The following RNF14 variants were observed in gnomAD, a reference collection of about 807,000 sequenced individuals.
RNF14 encodes the protein ring finger protein 14.
In RNF14, 26 loss-of-function variants were observed where a neutral mutation model predicts 52.6. The ratio of observed to expected loss-of-function variants is 0.49; its 90% CI spans 0.36 to 0.69. The LOEUF (loss-of-function observed/expected upper bound fraction) is 0.69. RNF14 is among the 30% of genes least tolerant of loss of function. RNF14 has a pLI of 0.00. For synonymous variants in RNF14, 194 were observed against 202.0 expected (o/e 0.96, Z 0.34); for missense variants, 404 against 560.4 (o/e 0.72, Z 2.82).
Position 141,980,369 on chromosome 5 carries a change from A to G in RNF14, c.1063+18A>G. The G allele has an allele frequency of 6.3e-7, 1 of 1,583,494 alleles. No individual in the cohort carries two copies. ...GACTGCAGGTATGTTTTAACTGTGA[A>G]CCCAAACCCCCATCCCCAGTCTCTC... On this transcript the variant is annotated intron_variant, in intron 6 of 8. Transcript: ENST00000394520.
chr5:141,987,976 G>T lies in RNF14; in HGVS notation c.*186G>T. On this transcript the variant is annotated 3_prime_UTR_variant, in exon 9 of 9. Coordinates refer to ENST00000394520, the MANE Select transcript of RNF14 (RefSeq NM_004290.5). ...AAGGTGCATTGATACATTTTTAAAT[G>T]TAAGTTGAGAAAAATTTATAAGCCA... 1.8e-6 allele frequency: 1 copy of T among 559,988 alleles called. No homozygotes were observed. The allele number at this position is 559,988 out of a possible 1,614,324, so 34.7% of individuals were successfully genotyped here. A position where few individuals can be genotyped will look rare whatever the true frequency, so the allele number is the denominator to read the frequency against.
chr5:141,975,077 A>AT (rs576827660), intron 4 of RNF14, 122 bp downstream of exon 4: 32 of 1,067,382 alleles, frequency 3.0e-5, no homozygotes, highest in African/African-American at 6.5e-5. Context: ...TGGTTTTGTA[A>AT]TTTTTTTCCC....
At chr5:141,955,506 C>T (rs375566712), upstream of RNF14, 3 of 1,614,180 alleles carry the variant, frequency 1.9e-6, no homozygotes, top group Non-Finnish European at 2.5e-6. This position sits in a 1 kb window ranked among gnomAD's most constrained non-coding sequence, Gnocchi z 5.5. Flanking sequence ...CTGCCTGACC[C>T]CTGAGCACAG....
At chr5:141,977,307 G>A (rs892215391) in intron 4 of RNF14, among the ~76,000 whole-genome samples, 1 of 152,216 alleles carries the variant, frequency 6.6e-6, no homozygotes, top group Non-Finnish European at 1.5e-5. Context: ...TCATCAATAA[G>A]TATTTAAGGT....
intron 2 of RNF14, among the ~76,000 whole-genome samples, chr5:141,972,343 T>C (rs1042370261): frequency 2.0e-5 from 3 of 151,272 alleles, no homozygotes; most frequent in Non-Finnish European, 4.4e-5. Flanking sequence ...GATCCTCCCA[T>C]GTCAGCTCCC....
chr5:141,984,225 G>A (rs1225182963), intron 7 of RNF14, among the ~76,000 whole-genome samples: 1 of 151,690 alleles, frequency 6.6e-6, no homozygotes, highest in Non-Finnish European at 1.5e-5. Context: ...AGCCTCCCGA[G>A]TAGCTGGGAT....
chr5:141,957,367 G>A (rs758002470), upstream of RNF14: 1 of 1,613,862 alleles, frequency 6.2e-7, no homozygotes, highest in Admixed American at 1.7e-5. The surrounding 1 kb of genome is among the most constrained non-coding windows in gnomAD (Gnocchi z 4.3). Context: ...GCCTGTGTCT[G>A]GGTCAAGAGC....
rs1245624903 is a variant in RNF14, at chr5:141,978,476, A to G, written c.480A>G (p.Gln160=). 6.2e-7 allele frequency: 1 copy of G among 1,614,170 alleles called. No homozygotes were observed. The highest frequency in any genetic ancestry group is 8.5e-7 in the Non-Finnish European group (1 of 1,180,032). ...SQKKVQRRTA[Q]ASPNTELDFG... ...AAAAAGTGCAGAGAAGGACAGCTCAAGCTTCTCCCAACACAGAGCTAGATT... is the reference window on the plus strand; with the variant it reads ...AAAAAGTGCAGAGAAGGACAGCTCAGGCTTCTCCCAACACAGAGCTAGATT... Residue 160 remains glutamine (Q), a synonymous_variant, in exon 5 of 9, where the codon CAA becomes CAG. Transcript: ENST00000394520.
upstream of RNF14, among the ~76,000 whole-genome samples, chr5:141,967,969 T>C (rs1753411705): frequency 6.6e-6 from 1 of 152,342 alleles, no homozygotes; most frequent in Admixed American, 6.5e-5. Context: ...AGAAACACCA[T>C]ATCTATTAGC....
rs905332238 is a variant in RNF14, at chr5:141,988,958, G to A, written c.*1168G>A. 2 of 152,264 alleles carry A rather than the reference G, an allele frequency of 1.3e-5. No homozygotes were observed. Among genetic ancestry groups the A allele is most frequent in the African/African-American group, 2.4e-5 (1 of 41,424 alleles). 9.4% of individuals were successfully genotyped at this position (152,264 alleles called of 1,614,324 possible). A position where few individuals can be genotyped will look rare whatever the true frequency, so the allele number is the denominator to read the frequency against. On this transcript the variant is annotated 3_prime_UTR_variant, in exon 9 of 9. Transcript: ENST00000394520. ...GAAAAATTGTCTTTCCTTATCATTG[G>A]TGGGAGGCTTGGTAGCAAAGTAACA...
chr5:141,981,884 A>G (rs1381393370), intron 6 of RNF14, among the ~76,000 whole-genome samples: 1 of 151,896 alleles, frequency 6.6e-6, no homozygotes, highest in Non-Finnish European at 1.5e-5. Context: ...GAAAAATAGT[A>G]ATTATTAATG....
the RNF14 span, chr5:141,951,660 C>T: frequency 9.0e-7 from 1 of 1,111,276 alleles, no homozygotes; most frequent in Non-Finnish European, 1.4e-6. Context: ...CGGATGTTTC[C>T]CTCAATGCCG....
rs995629669 is a variant in RNF14, at chr5:141,989,018, A to G, written c.*1228A>G. The G allele has an allele frequency of 4.6e-5, 7 of 152,378 alleles. No individual in the cohort carries two copies. The highest frequency in any genetic ancestry group is 1.4e-4 in the African/African-American group (6 of 41,456). 9.4% of individuals were successfully genotyped at this position (152,378 alleles called of 1,614,324 possible). On this transcript the variant is annotated 3_prime_UTR_variant, in exon 9 of 9. Coordinates refer to ENST00000394520, the MANE Select transcript of RNF14 (RefSeq NM_004290.5). ...AAAGAGGACAGAAAAATTGAACTAC[A>G]GCTTGAGAACGTATTCTTTTTTTCC...
rs918146917 is a variant in RNF14 at position 141,989,506 on chromosome 5, A to G, written c.*1716A>G. On this transcript the variant is annotated 3_prime_UTR_variant, in exon 9 of 9. Transcript: ENST00000394520. Reference sequence around the variant, plus strand: ...CAGGAGTTCGAGACCATCATGGCTAACACGGTGAAACCCCGTCTCTACTAA... The same window carrying G: ...CAGGAGTTCGAGACCATCATGGCTAGCACGGTGAAACCCCGTCTCTACTAA... The G allele has an allele frequency of 6.6e-6, 1 of 152,272 alleles. No homozygotes were observed. The highest frequency in any genetic ancestry group is 1.5e-5 in the Non-Finnish European group (1 of 68,116). The allele number at this position is 152,272 out of a possible 1,614,324, so 9.4% of individuals were successfully genotyped here. A position where few individuals can be genotyped will look rare whatever the true frequency, so the allele number is the denominator to read the frequency against.
chr5:141,985,013 T>G, intron 8 of RNF14, 80 bp downstream of exon 8: 1 of 1,262,902 alleles, frequency 7.9e-7, no homozygotes, highest in South Asian at 1.4e-5. Context: ...GTGTTTTATT[T>G]AAGTACTTGG....
At chr5:141,952,426 CTCCA>C in the RNF14 span, 1 of 152,202 alleles carries the variant, frequency 6.6e-6, no homozygotes, top group Non-Finnish European at 1.5e-5. Flanking sequence ...GACCCAAAGG[CTCCA>C]TAGGAGTTTG....
At chr5:141,959,864 C>T (rs989926649) in intron 1 of RNF14, among the ~76,000 whole-genome samples, 7 of 152,206 alleles carry the variant, frequency 4.6e-5, no homozygotes, top group African/African-American at 1.7e-4. Context: ...CTCTCCTAGC[C>T]TCTGTTTCCT....
rs1415469916 is a variant in RNF14, at chr5:141,983,529, C to A, written c.1213C>A (p.Pro405Thr). 1.2e-6 allele frequency: 2 copies of A among 1,611,386 alleles called. No homozygotes were observed. The highest frequency in any genetic ancestry group is 1.7e-6 in the Non-Finnish European group (2 of 1,179,730). Residue 405 changes from proline to threonine, a missense_variant, in exon 7 of 9, where the codon CCA becomes ACA. Coordinates refer to ENST00000394520, the MANE Select transcript of RNF14 (RefSeq NM_004290.5). ...GCTAGAGAAGAACTCAAAGAGCTGC[C>A]CATGTTGTGGAACTCCCATAGAGGT... ...EWLEKNSKSCPCCGTPIEKLD... is the reference protein window; with the variant it reads ...EWLEKNSKSCTCCGTPIEKLD...
At chr5:141,963,832 C>T (rs1753294727), upstream of RNF14, among the ~76,000 whole-genome samples, 1 of 152,134 alleles carries the variant, frequency 6.6e-6, no homozygotes, top group Admixed American at 6.5e-5. Flanking sequence ...TGAGTCTTCC[C>T]ATCGTTACAT....
Sources: gnomAD v4.1 joint callset for allele counts (sites outside exome capture counted in the v4.1 genomes callset) on GRCh38, gnomAD v4.1.1 for gene constraint, Gnocchi (gnomAD v3.1) non-coding constraint, MANE v1.5 for transcripts, NCBI Gene and HGNC (gene_info 2026-07-23, HGNC 2026-07-21) for gene names.